Variants in DTNB observed in about 807,000 individuals in gnomAD.
DTNB encodes the protein DTN-B.
Under a neutral mutation model 90.7 loss-of-function variants are expected in DTNB, and 63 were observed. The ratio of observed to expected loss-of-function variants is 0.69; its 90% CI spans 0.57 to 0.86. The LOEUF is 0.86. Among genes scored for constraint, DTNB ranks in the 40% least tolerant of loss-of-function variants. DTNB has a pLI of 0.00. For synonymous variants in DTNB, 277 were observed against 286.7 expected, an observed-to-expected ratio of 0.97 and a Z score of 0.34; for missense variants, 744 against 807.1, an observed-to-expected ratio of 0.92 and a Z score of 0.95.
At chr2:25,509,434 A>T (rs576559221) in intron 9 of DTNB, among the ~76,000 whole-genome samples, 1 of 152,314 alleles carries the variant, frequency 6.6e-6, no homozygotes, top group African/African-American at 2.4e-5. Flanking sequence ...CATACCCTTT[A>T]CAAATTCCTT....
intron 12 of DTNB, among the ~76,000 whole-genome samples, chr2:25,444,531 T>C (rs2058083995): frequency 2.0e-5 from 1 of 50,630 alleles, no homozygotes; most frequent in Admixed American, 1.5e-4. Flanking sequence ...TGAGACTCCA[T>C]CTCAAAAAAA....
rs988745166 is a variant in DTNB, at chr2:25,558,327, C to T, written c.876+18511G>A. ...TGCAGAAACAGATAAGCAATTCACA[C>T]TACTGGGTCACAGAGAACACAGTGA... On this transcript the variant is annotated intron_variant, in intron 8 of 20. Transcript: ENST00000406818. The T allele has an allele frequency of 4.1e-6, 4 of 985,320 alleles. No homozygotes were observed. In the African/African-American group the frequency reaches 7.0e-5, roughly 17 times the overall value. 61.0% of individuals were successfully genotyped at this position (985,320 alleles called of 1,614,324 possible).
chr2:25,532,980 GTAT>G (rs2078545920), intron 8 of DTNB, among the ~76,000 whole-genome samples: 1 of 152,130 alleles, frequency 6.6e-6, no homozygotes, highest in South Asian at 2.1e-4. Context: ...CAGAAACTTC[GTAT>G]ATTGGCTCCA....
At chr2:25,645,855 T>C (rs2079323116) in intron 2 of DTNB, among the ~76,000 whole-genome samples, 2 of 152,166 alleles carry the variant, frequency 1.3e-5, no homozygotes, top group Non-Finnish European at 1.5e-5. Context: ...TATATTTTAA[T>C]TGATGTTAAT....
In DTNB at chr2:25,436,103, G is replaced by A. The variant is rs72849897; in HGVS notation, c.1258-2108C>T. On this transcript the variant is annotated intron_variant, in intron 12 of 20. Transcript: ENST00000406818. ...TTGTAATCCAGCACTTCGGGAAGCC[G>A]AGGCAGGAGGATCATGAGGTCAGGA... Among the ~76,000 whole-genome samples the A allele has an allele frequency of 9.2e-3, 1,398 of 152,344 alleles. 20 individuals are homozygous for A. The highest frequency in any genetic ancestry group is 0.032 in the African/African-American group (1,316 of 41,574).
chr2:25,609,324 T>C (rs946889825), intron 4 of DTNB, among the ~76,000 whole-genome samples: 1 of 152,108 alleles, frequency 6.6e-6, no homozygotes. Flanking sequence ...ATGGGCCGGG[T>C]ACAGTGGCTC....
At chr2:25,627,335 C>A (rs892422539) in intron 4 of DTNB, among the ~76,000 whole-genome samples, 9 of 152,004 alleles carry the variant, frequency 5.9e-5, no homozygotes, top group Non-Finnish European at 1.2e-4. Flanking sequence ...TCGCTTGAAC[C>A]CGGGGGGTGG....
At chr2:25,384,156 T>C (rs1226503403) in intron 18 of DTNB, among the ~76,000 whole-genome samples, 1 of 152,172 alleles carries the variant, frequency 6.6e-6, no homozygotes, top group East Asian at 1.9e-4. Context: ...GGGCGTGCAG[T>C]GTGGGGTTGC....
intron 11 of DTNB, among the ~76,000 whole-genome samples, chr2:25,452,445 T>C (rs892395141): frequency 2.0e-5 from 3 of 152,232 alleles, no homozygotes; most frequent in African/African-American, 7.2e-5. Flanking sequence ...TGTGGCTATA[T>C]AATTCTCTGT....
chr2:25,638,999 G>C lies in DTNB; in HGVS notation c.148+15C>G, dbSNP rs180936540. On this transcript the variant is annotated intron_variant, in intron 3 of 20. Coordinates refer to ENST00000406818, the MANE Select transcript of DTNB (RefSeq NM_021907.5). Reference sequence around the variant, plus strand: ...CTCTATCCAGCTATCACAGAAATGAGTAGAAATGACTCACGGTTGCATCGT... The same window carrying C: ...CTCTATCCAGCTATCACAGAAATGACTAGAAATGACTCACGGTTGCATCGT... 2 of 1,565,132 alleles carry C rather than the reference G, an allele frequency of 1.3e-6. No homozygotes were observed. Among genetic ancestry groups the C allele is most frequent in the East Asian group, 4.6e-5 (2 of 43,876 alleles).
chr2:25,500,906 G>A (rs2070474669), intron 9 of DTNB, among the ~76,000 whole-genome samples: 1 of 152,232 alleles, frequency 6.6e-6, no homozygotes, highest in Non-Finnish European at 1.5e-5. Flanking sequence ...CAGCGGCCAT[G>A]AGCCACACAC....
chr2:25,400,752 C>A (rs2043507640), intron 16 of DTNB, among the ~76,000 whole-genome samples: 1 of 152,142 alleles, frequency 6.6e-6, no homozygotes, highest in Admixed American at 6.5e-5. Context: ...GGCTTGAGTC[C>A]AGCACAGGCC....
chr2:25,613,078 A>G (rs962690416), intron 4 of DTNB, among the ~76,000 whole-genome samples: 7 of 152,160 alleles, frequency 4.6e-5, no homozygotes, highest in Admixed American at 2.0e-4. Context: ...GGTCAGTATT[A>G]TTCTTTTTTT....
chr2:25,564,691 T>G (rs1170256714), intron 8 of DTNB, among the ~76,000 whole-genome samples: 1 of 152,178 alleles, frequency 6.6e-6, no homozygotes, highest in African/African-American at 2.4e-5. Flanking sequence ...CTCGGCCTAT[T>G]TCTTTCAGCC....
At chr2:25,532,210 A>G (rs2078348428) in intron 8 of DTNB, among the ~76,000 whole-genome samples, 1 of 147,906 alleles carries the variant, frequency 6.8e-6, no homozygotes, top group Non-Finnish European at 1.5e-5. Context: ...ACGCCATTGC[A>G]CTTCAGCCTA....
At chr2:25,593,397 G>GC (rs2148374055) in intron 6 of DTNB, among the ~76,000 whole-genome samples, 1 of 152,218 alleles carries the variant, frequency 6.6e-6, no homozygotes, top group East Asian at 1.9e-4. Context: ...AAAAAGAAAC[G>GC]CAAAACTCAT....
intron 16 of DTNB, among the ~76,000 whole-genome samples, chr2:25,404,232 G>A (rs752695615): frequency 9.2e-5 from 14 of 152,178 alleles, no homozygotes; most frequent in Non-Finnish European, 2.1e-4. Flanking sequence ...CACACCAAAC[G>A]GGATGTAACA....
chr2:25,465,185 G>A (rs939100461), intron 10 of DTNB, among the ~76,000 whole-genome samples: 7 of 152,048 alleles, frequency 4.6e-5, no homozygotes, highest in African/African-American at 1.7e-4. Context: ...GACCATCCTG[G>A]CTAACACAGT....
chr2:25,587,374 GTCCT>G (rs2062648134), intron 6 of DTNB, among the ~76,000 whole-genome samples: 1 of 152,176 alleles, frequency 6.6e-6, no homozygotes, highest in Admixed American at 6.5e-5. Flanking sequence ...GAAGACCAGG[GTCCT>G]TCGTTTTTTG....
Sources: gnomAD v4.1 joint callset for allele counts (sites outside exome capture counted in the v4.1 genomes callset) on GRCh38, gnomAD v4.1.1 for gene constraint, MANE v1.5 for transcripts, NCBI Gene and HGNC (gene_info 2026-07-23, HGNC 2026-07-21) for gene names.